Variants in FAM219A observed in about 807,000 individuals in gnomAD.
FAM219A encodes the protein family with sequence similarity 219 member A, also known as protein FAM219A.
Under a neutral mutation model 23.4 loss-of-function variants are expected in FAM219A, and 7 were observed. The observed-to-expected ratio is 0.30, with a 90% CI of 0.17 to 0.56. FAM219A has a LOEUF of 0.56. Among genes scored for constraint, FAM219A ranks in the 20% least tolerant of loss-of-function variants. FAM219A has a pLI of 0.92. For synonymous variants in FAM219A, 93 were observed against 99.0 expected (o/e 0.94, Z 0.36); for missense variants, 166 against 246.9 (o/e 0.67, Z 2.20).
At chr9:34,423,055 G>C (rs939514571) in intron 1 of FAM219A, among the ~76,000 whole-genome samples, 18 of 152,138 alleles carry the variant, frequency 1.2e-4, no homozygotes, top group African/African-American at 4.1e-4. Flanking sequence ...TGTAGTCCTA[G>C]CTACTCAGAA....
chr9:34,399,130 G>A lies in FAM219A; in HGVS notation c.*1834C>T, dbSNP rs1821331655. ...TTGGTGTCCAGAGAGTGGGCTGTGGGTGAGTCTACTGCATGCCTGCAGCAT... is the reference window on the plus strand; with the variant it reads ...TTGGTGTCCAGAGAGTGGGCTGTGGATGAGTCTACTGCATGCCTGCAGCAT... On this transcript the variant is annotated 3_prime_UTR_variant, in exon 6 of 6. Transcript: ENST00000651358. 1 of 152,402 alleles carries A rather than the reference G, an allele frequency of 6.6e-6. No individual in the cohort carries two copies. Among genetic ancestry groups the A allele is most frequent in the Non-Finnish European group, 1.5e-5 (1 of 68,248 alleles). The allele number at this position is 152,402 out of a possible 1,614,324, so 9.4% of individuals were successfully genotyped here. A position where few individuals can be genotyped will look rare whatever the true frequency, so the allele number is the denominator to read the frequency against.
Position 34,458,388 on chromosome 9 carries a change from G to C in FAM219A, c.-125C>G, listed in dbSNP as rs1472467997. 4 of 583,490 alleles carry C rather than the reference G, an allele frequency of 6.9e-6. No individual in the cohort carries two copies. Among genetic ancestry groups the C allele is most frequent in the Non-Finnish European group, 9.7e-6 (4 of 413,506 alleles). The allele number at this position is 583,490 out of a possible 1,614,324, so 36.1% of individuals were successfully genotyped here. ...TAGGCCTCCCCGGACCACTCGGGCGGGCAGGGGCCGGGCGGATGCAGGGGT... is the reference window on the plus strand; with the variant it reads ...TAGGCCTCCCCGGACCACTCGGGCGCGCAGGGGCCGGGCGGATGCAGGGGT... On this transcript the variant is annotated 5_prime_UTR_variant, in exon 1 of 6. Transcript: ENST00000651358. This position sits in a 1 kb window ranked among gnomAD's most constrained non-coding sequence, Gnocchi z 6.6.
intron 1 of FAM219A, among the ~76,000 whole-genome samples, chr9:34,419,894 A>G (rs1462449500): frequency 6.6e-6 from 1 of 152,152 alleles, no homozygotes; most frequent in Non-Finnish European, 1.5e-5. Flanking sequence ...GCTAGTATCA[A>G]ATAGCTTTTC....
intron 2 of FAM219A, among the ~76,000 whole-genome samples, chr9:34,403,096 C>A (rs984401482): frequency 3.9e-5 from 6 of 152,170 alleles, no homozygotes; most frequent in African/African-American, 1.4e-4. Flanking sequence ...GAAAGGCTGG[C>A]GGGGGAGAGA....
At chr9:34,439,586 T>C (rs889074000) in intron 1 of FAM219A, among the ~76,000 whole-genome samples, 13 of 152,094 alleles carry the variant, frequency 8.5e-5, no homozygotes, top group Non-Finnish European at 2.9e-5. Context: ...GATGAAACTA[T>C]AGCTGAACTA....
chr9:34,410,544 A>C (rs1821786427), intron 1 of FAM219A, among the ~76,000 whole-genome samples: 1 of 152,184 alleles, frequency 6.6e-6, no homozygotes. Context: ...TGTAGTTCCT[A>C]ATGTATGTCT....
chr9:34,432,104 G>C (rs1191150283), intron 1 of FAM219A, among the ~76,000 whole-genome samples: 1 of 152,216 alleles, frequency 6.6e-6, no homozygotes, highest in African/African-American at 2.4e-5. Flanking sequence ...CCAGGAGATG[G>C]CAGGGGGCTT....
At chr9:34,455,365 G>C (rs1470144113) in intron 1 of FAM219A, among the ~76,000 whole-genome samples, 3 of 152,044 alleles carry the variant, frequency 2.0e-5, no homozygotes, top group Non-Finnish European at 4.4e-5. Flanking sequence ...TCATAGCTAA[G>C]TCTGAGCCTG....
rs983826949 is a variant in FAM219A, at chr9:34,430,205, G to A, written c.61-24241C>T. On this transcript the variant is annotated intron_variant, in intron 1 of 5. Coordinates refer to ENST00000651358, the MANE Select transcript of FAM219A (RefSeq NM_001184940.2). ...GAAGAGGTCATGCCCCTTTCACAGC[G>A]AAAGACATGTGCAGGAAGGCTATGC... Among the ~76,000 whole-genome samples, 7 of 152,050 alleles carry A rather than the reference G, an allele frequency of 4.6e-5. No homozygotes were observed. The South Asian group carries it at 6.2e-4, about 14-fold the overall frequency.
At chr9:34,414,390 G>A (rs533415662) in intron 1 of FAM219A, among the ~76,000 whole-genome samples, 1 of 152,318 alleles carries the variant, frequency 6.6e-6, no homozygotes, top group South Asian at 2.1e-4. Flanking sequence ...GCAGAGCCAG[G>A]CAATTGGCCA....
Position 34,458,167 on chromosome 9 carries a change from C to A in FAM219A, c.60+37G>T. The A allele has an allele frequency of 6.4e-7, 1 of 1,560,252 alleles. No homozygotes were observed. Among genetic ancestry groups the A allele is most frequent in the South Asian group, 1.2e-5 (1 of 84,882 alleles). On this transcript the variant is annotated intron_variant, in intron 1 of 5. Coordinates refer to ENST00000651358, the MANE Select transcript of FAM219A (RefSeq NM_001184940.2). The surrounding 1 kb of genome is among the most constrained non-coding windows in gnomAD (Gnocchi z 6.6). ...CCTCCCTCCCCCTCAAGCGACGCCC[C>A]CTCCGGCCTTGGCCTGCCCGCCGCC...
At chr9:34,437,458 C>G (rs926624381) in intron 1 of FAM219A, among the ~76,000 whole-genome samples, 2 of 152,180 alleles carry the variant, frequency 1.3e-5, no homozygotes, top group African/African-American at 4.8e-5. Context: ...AGCGTGGCTT[C>G]TTGGGGCTTT....
intron 1 of FAM219A, among the ~76,000 whole-genome samples, chr9:34,409,663 T>C (rs765247370): frequency 4.5e-4 from 69 of 152,328 alleles, no homozygotes; most frequent in Non-Finnish European, 7.2e-4. Context: ...AAAGCCAATA[T>C]AGCTAGAGGA....
At chr9:34,408,352 C>T (rs1344861434) in intron 1 of FAM219A, among the ~76,000 whole-genome samples, 1 of 152,228 alleles carries the variant, frequency 6.6e-6, no homozygotes, top group Non-Finnish European at 1.5e-5. Context: ...CTGCTACCTG[C>T]AAGGGAGGTG....
intron 1 of FAM219A, among the ~76,000 whole-genome samples, chr9:34,422,488 G>A (rs938942590): frequency 1.3e-5 from 2 of 152,108 alleles, no homozygotes; most frequent in African/African-American, 4.8e-5. Context: ...CACCTCTGTG[G>A]GACTGTTGTC....
At chr9:34,453,906 A>C (rs1823646641) in intron 1 of FAM219A, among the ~76,000 whole-genome samples, 1 of 152,222 alleles carries the variant, frequency 6.6e-6, no homozygotes, top group Non-Finnish European at 1.5e-5. Context: ...TTTCTCATAC[A>C]AACAATATAC....
chr9:34,407,533 G>C (rs117350269), intron 1 of FAM219A, among the ~76,000 whole-genome samples: 3,889 of 152,038 alleles, frequency 0.026, 84 homozygotes, highest in Middle Eastern at 0.11. Flanking sequence ...AGTGTCTTAC[G>C]CAAAGTCAGT....
intron 1 of FAM219A, among the ~76,000 whole-genome samples, chr9:34,420,325 T>G (rs1822218812): frequency 6.6e-6 from 1 of 152,168 alleles, no homozygotes. Flanking sequence ...ATGGTAGCGA[T>G]ATTATCTTCT....
At chr9:34,438,763 A>G (rs1012700383) in intron 1 of FAM219A, among the ~76,000 whole-genome samples, 3 of 152,222 alleles carry the variant, frequency 2.0e-5, no homozygotes, top group Non-Finnish European at 4.4e-5. Context: ...TGCCCTGTCA[A>G]AACAGACCAC....
Sources: gnomAD v4.1 joint callset for allele counts (sites outside exome capture counted in the v4.1 genomes callset) on GRCh38, gnomAD v4.1.1 for gene constraint, Gnocchi (gnomAD v3.1) non-coding constraint, MANE v1.5 for transcripts, NCBI Gene and HGNC (gene_info 2026-07-23, HGNC 2026-07-21) for gene names.